FMN1: variants seen among roughly 807,000 people sequenced by gnomAD.
FMN1 encodes formin-1.
In FMN1, 110 loss-of-function variants were observed where a neutral mutation model predicts 132.4. The observed-to-expected ratio is 0.83, with a 90% CI of 0.71 to 0.97. The LOEUF is 0.97. FMN1 is among the 50% of genes least tolerant of loss of function. The pLI, the probability that FMN1 is intolerant of heterozygous loss-of-function variation, is 0.00. For synonymous variants in FMN1, 722 were observed against 651.7 expected (o/e 1.11, Z -1.64); for missense variants, 1,792 against 1,705.3 (o/e 1.05, Z -0.90).
intron 10 of FMN1, among the ~76,000 whole-genome samples, chr15:32,913,111 T>C (rs115006580): frequency 5.3e-4 from 81 of 152,248 alleles, no homozygotes; most frequent in African/African-American, 1.9e-3. Flanking sequence ...TCGCGGTTAC[T>C]AGGAAACCCT....
chr15:32,888,143 TATC>T, intron 16 of FMN1, 26 bp downstream of exon 16: 5 of 1,565,466 alleles, frequency 3.2e-6, no homozygotes, highest in Non-Finnish European at 4.3e-6. Context: ...TCTTAGCTAT[TATC>T]ATAATAGCAG....
intron 6 of FMN1, among the ~76,000 whole-genome samples, chr15:33,015,454 T>C (rs1294449678): frequency 6.6e-6 from 1 of 152,184 alleles, no homozygotes; most frequent in Non-Finnish European, 1.5e-5. Context: ...TACTAGTTTC[T>C]GGTTAAATCT....
chr15:33,025,947 C>T (rs1232397235), intron 6 of FMN1, among the ~76,000 whole-genome samples: 4 of 151,886 alleles, frequency 2.6e-5, no homozygotes, highest in East Asian at 1.9e-4. Context: ...AAACTAGAGG[C>T]GTGAGATAAT....
intron 5 of FMN1, among the ~76,000 whole-genome samples, chr15:33,082,738 C>A (rs1466602355): frequency 6.6e-6 from 1 of 152,026 alleles, no homozygotes; most frequent in Non-Finnish European, 1.5e-5. Context: ...ATATTCATGT[C>A]CTAAATGGGC....
At chr15:33,104,645 G>GT (rs1566918758) in intron 4 of FMN1, among the ~76,000 whole-genome samples, 1 of 151,978 alleles carries the variant, frequency 6.6e-6, no homozygotes, top group Non-Finnish European at 1.5e-5. Context: ...CTAGTAATAC[G>GT]TATGTATTCC....
intron 9 of FMN1, among the ~76,000 whole-genome samples, chr15:32,960,995 C>CAAAAAAAAAAAAAAAAAAAAAAAAA (rs539245532): frequency 1.7e-5 from 1 of 59,094 alleles, no homozygotes; most frequent in East Asian, 6.6e-4. Flanking sequence ...GACTCCGTCT[C>CAAAAAAAAAAAAAAAAAAAAAAAAA]AAAAAAAAAA....
intron 15 of FMN1, among the ~76,000 whole-genome samples, chr15:32,890,647 A>C (rs1167181461): frequency 1.3e-5 from 2 of 152,178 alleles, no homozygotes; most frequent in African/African-American, 2.4e-5. Context: ...TTCACTGTAG[A>C]TTCTGGATAC....
chr15:32,847,276 GTGTGTGTGTGTA>G (rs542195929), intron 17 of FMN1, among the ~76,000 whole-genome samples: 72 of 95,326 alleles, frequency 7.6e-4, no homozygotes, highest in East Asian at 2.3e-3. Flanking sequence ...ATGTAGGGGT[GTGTGTGTGTGTA>G]TGTGTGTGTG....
At chr15:32,894,839 T>A (rs1377736450) in intron 15 of FMN1, among the ~76,000 whole-genome samples, 2 of 42,800 alleles carry the variant, frequency 4.7e-5, no homozygotes, top group Non-Finnish European at 8.7e-5. Context: ...TGTATTTTTT[T>A]CAGGTTATTC....
intron 3 of FMN1, among the ~76,000 whole-genome samples, chr15:33,169,315 A>G (rs1595594341): frequency 6.6e-6 from 1 of 152,234 alleles, no homozygotes; most frequent in African/African-American, 2.4e-5. Flanking sequence ...GAAATCTACT[A>G]TGCTCCTAGG....
chr15:32,914,808 G>C (rs1440140850), intron 10 of FMN1, among the ~76,000 whole-genome samples: 1 of 152,190 alleles, frequency 6.6e-6, no homozygotes, highest in African/African-American at 2.4e-5. Flanking sequence ...TAGGTTTAGG[G>C]GAAGAGCTTT....
At chr15:33,010,622 T>C (rs1052001343) in intron 6 of FMN1, among the ~76,000 whole-genome samples, 11 of 152,228 alleles carry the variant, frequency 7.2e-5, no homozygotes, top group African/African-American at 2.2e-4. Context: ...AAAATCTACA[T>C]AGATTATAAA....
chr15:32,957,434 A>G (rs2029934863), intron 9 of FMN1, among the ~76,000 whole-genome samples: 1 of 151,322 alleles, frequency 6.6e-6, no homozygotes, highest in South Asian at 2.1e-4. Flanking sequence ...GACAGTGTAA[A>G]TATGACATAT....
chr15:33,112,109 A>G (rs1415570226), intron 4 of FMN1, among the ~76,000 whole-genome samples: 5 of 152,160 alleles, frequency 3.3e-5, no homozygotes, highest in Admixed American at 3.3e-4. Flanking sequence ...TATATAAATA[A>G]AGATTTTAAC....
At chr15:32,879,051 T>C (rs979201941) in intron 16 of FMN1, among the ~76,000 whole-genome samples, 5 of 152,150 alleles carry the variant, frequency 3.3e-5, no homozygotes, top group Admixed American at 3.3e-4. Context: ...GTACAACTTG[T>C]CTTTGAAGGC....
chr15:32,988,797 A>G (rs1323649647), intron 7 of FMN1, among the ~76,000 whole-genome samples: 1 of 152,056 alleles, frequency 6.6e-6, no homozygotes, highest in Non-Finnish European at 1.5e-5. Context: ...GAGAACCATT[A>G]AGCTAGATTC....
intron 17 of FMN1, among the ~76,000 whole-genome samples, chr15:32,834,959 C>G (rs2058588491): frequency 6.6e-6 from 1 of 152,196 alleles, no homozygotes; most frequent in African/African-American, 2.4e-5. Context: ...TCTTGCTGTT[C>G]TGAAACTGCC....
chr15:33,081,208 ACAGT>A (rs2038442820), intron 5 of FMN1, among the ~76,000 whole-genome samples: 1 of 152,334 alleles, frequency 6.6e-6, no homozygotes, highest in South Asian at 2.1e-4. Context: ...GGTTTACAGT[ACAGT>A]CACTCTTCTA....
chr15:32,899,861 A>C lies in FMN1; in HGVS notation c.3654+118T>G, dbSNP rs182591345. The C allele has an allele frequency of 1.8e-4, 183 of 995,192 alleles. No homozygotes were observed. The African/African-American group carries it at 2.6e-3, about 14-fold the overall frequency. The allele number at this position is 995,192 out of a possible 1,614,324, so 61.6% of individuals were successfully genotyped here. A position where few individuals can be genotyped will look rare whatever the true frequency, so the allele number is the denominator to read the frequency against. ...ACAAAAAAATGCATGCTCTAATATA[A>C]ATGTTGTTAAGGGGAGGATAGAGAT... On this transcript the variant is annotated intron_variant, in intron 14 of 20. Transcript: ENST00000616417.
Sources: allele counts gnomAD v4.1 joint callset (sites outside exome capture counted in the v4.1 genomes callset), GRCh38; gene constraint gnomAD v4.1.1; transcripts MANE v1.5; gene names NCBI Gene and HGNC (gene_info 2026-07-23, HGNC 2026-07-21).